Variants in CREB3L2 observed in about 807,000 individuals in gnomAD.
The protein encoded by CREB3L2 is cAMP responsive element binding protein 3 like 2.
Under a neutral mutation model 57.2 loss-of-function variants are expected in CREB3L2, and 23 were observed. That is an observed-to-expected ratio of 0.40 (90% confidence interval 0.29 to 0.57). The LOEUF is 0.57. Ranked by LOEUF, CREB3L2 falls within the 20% of genes least tolerant of loss-of-function variation. CREB3L2 has a pLI of 0.42. For missense variants in CREB3L2, 628 were observed against 634.7 expected (o/e 0.99, Z 0.11); for synonymous variants, 268 against 265.1 (o/e 1.01, Z -0.11).
intron 1 of CREB3L2, among the ~76,000 whole-genome samples, chr7:137,992,390 G>A (rs1235907914): frequency 6.6e-6 from 1 of 152,118 alleles, no homozygotes; most frequent in Non-Finnish European, 1.5e-5. Context: ...CTCCTCTTGG[G>A]TTTACACTGC....
chr7:137,914,225 A>C (rs1225576979), intron 3 of CREB3L2, among the ~76,000 whole-genome samples: 2 of 151,910 alleles, frequency 1.3e-5, no homozygotes, highest in African/African-American at 2.4e-5. Context: ...AAGGCTTCCT[A>C]ATGACTGATG....
At chr7:137,932,823 TAAG>T (rs1800682292) in intron 1 of CREB3L2, among the ~76,000 whole-genome samples, 1 of 152,156 alleles carries the variant, frequency 6.6e-6, no homozygotes, top group African/African-American at 2.4e-5. Flanking sequence ...AAATAATAAA[TAAG>T]AAACTAGAAA....
At chr7:137,976,937 C>T (rs887279405) in intron 1 of CREB3L2, among the ~76,000 whole-genome samples, 6 of 152,190 alleles carry the variant, frequency 3.9e-5, no homozygotes, top group African/African-American at 9.6e-5. Context: ...TCTTCTTGCA[C>T]GTACACACCC....
intron 8 of CREB3L2, among the ~76,000 whole-genome samples, chr7:137,895,548 C>T (rs1302717880): frequency 1.3e-5 from 2 of 150,930 alleles, no homozygotes; most frequent in East Asian, 1.9e-4. Context: ...TCTACTCTCC[C>T]GGCCCTGTCC....
intron 11 of CREB3L2, among the ~76,000 whole-genome samples, chr7:137,881,243 C>G (rs763985404): frequency 4.6e-5 from 7 of 152,168 alleles, no homozygotes; most frequent in Non-Finnish European, 8.8e-5. Flanking sequence ...TGCCTTACCA[C>G]ATGGGATACT....
chr7:137,929,676 C>T (rs993434129), intron 1 of CREB3L2, among the ~76,000 whole-genome samples: 6 of 148,984 alleles, frequency 4.0e-5, no homozygotes, highest in African/African-American at 1.5e-4. Flanking sequence ...GCCTGGCCAA[C>T]ATAGTGAAAC....
intron 11 of CREB3L2, 89 bp downstream of exon 11, chr7:137,882,323 G>C: frequency 1.0e-6 from 1 of 955,588 alleles, no homozygotes; most frequent in Non-Finnish European, 1.6e-6. Flanking sequence ...CCAGGCCTAT[G>C]GAGAGTCTCA....
chr7:137,913,158 T>C, intron 3 of CREB3L2, 80 bp from the exon 4 acceptor site: 1 of 1,410,880 alleles, frequency 7.1e-7, no homozygotes, highest in Admixed American at 2.0e-5. Flanking sequence ...ATTTGTCACC[T>C]GTGTCTTCCT....
rs886511737 is a variant in CREB3L2, at chr7:137,878,645, C to CGG, written c.*1829_*1830dup. ...CCAGACAACAGGGCTGCCAGGACTA[C>CGG]GGGGGCCCGATCCAGCTTCCACTCA... On this transcript the variant is annotated 3_prime_UTR_variant, in exon 12 of 12. Coordinates refer to ENST00000330387, the MANE Select transcript of CREB3L2 (RefSeq NM_194071.4). 5.6e-5 allele frequency: 13 copies of CGG among 233,986 alleles called. No homozygotes were observed. In the Admixed American group the frequency reaches 6.7e-4, roughly 12 times the overall value. The allele number at this position is 233,986 out of a possible 1,614,324, so 14.5% of individuals were successfully genotyped here. A position where few individuals can be genotyped will look rare whatever the true frequency, so the allele number is the denominator to read the frequency against.
Position 137,928,210 on chromosome 7 carries a change from C to T in CREB3L2, c.259G>A (p.Glu87Lys), listed in dbSNP as rs377031866. The T allele has an allele frequency of 1.6e-5, 26 of 1,606,904 alleles. No individual in the cohort carries two copies. The African/African-American group carries it at 1.7e-4, about 11-fold the overall frequency. The change falls in exon 2 of 12, where the codon GAG (glutamate) becomes AAG (lysine). Residue 87 changes from glutamate (E) to lysine (K), a missense_variant. Around this residue, in one of 3 missense-constraint regions of CREB3L2, gnomAD observed 339 missense variants for 355.4 expected, o/e 0.95. Transcript: ENST00000330387. ...AAGGGCGACTGGGCCCGAGGCTCCTCGCACAGGGAGTAGCTGTGCTCAGCC... is the reference window on the plus strand; with the variant it reads ...AAGGGCGACTGGGCCCGAGGCTCCTTGCACAGGGAGTAGCTGTGCTCAGCC... ...IQAEHSYSLCEEPRAQSPFTH... is the reference protein window; with the variant it reads ...IQAEHSYSLCKEPRAQSPFTH...
chr7:137,889,744 A>G (rs1034003966), intron 8 of CREB3L2, among the ~76,000 whole-genome samples: 1 of 152,200 alleles, frequency 6.6e-6, no homozygotes, highest in African/African-American at 2.4e-5. Flanking sequence ...ATGATCCAAT[A>G]GAGTTTGGGA....
chr7:137,963,247 C>T (rs981982089), intron 1 of CREB3L2, among the ~76,000 whole-genome samples: 1 of 152,224 alleles, frequency 6.6e-6, no homozygotes, highest in Non-Finnish European at 1.5e-5. Flanking sequence ...AATTTACCTG[C>T]TCTTCAGGAC....
At chr7:137,967,909 C>T (rs546002644) in intron 1 of CREB3L2, among the ~76,000 whole-genome samples, 17 of 152,334 alleles carry the variant, frequency 1.1e-4, no homozygotes, top group African/African-American at 4.1e-4. Context: ...TGACTGAGCA[C>T]CACCGTGTGC....
At chr7:137,928,983 T>C (rs977331653) in intron 1 of CREB3L2, among the ~76,000 whole-genome samples, 14 of 152,208 alleles carry the variant, frequency 9.2e-5, no homozygotes, top group African/African-American at 3.1e-4. Context: ...ACTGATAATA[T>C]GTTTAAATAA....
At chr7:137,987,849 C>G (rs73153859) in intron 1 of CREB3L2, among the ~76,000 whole-genome samples, 136 of 152,302 alleles carry the variant, frequency 8.9e-4, no homozygotes, top group Admixed American at 3.8e-3. Flanking sequence ...CCACACCTTT[C>G]TCTACCTTTT....
chr7:137,949,000 T>C (rs748628410), intron 1 of CREB3L2, among the ~76,000 whole-genome samples: 1 of 152,224 alleles, frequency 6.6e-6, no homozygotes, highest in Non-Finnish European at 1.5e-5. Flanking sequence ...CACACAAGAA[T>C]GGAACAAAGT....
chr7:137,884,712 C>T (rs955155801), intron 10 of CREB3L2: 4 of 597,232 alleles, frequency 6.7e-6, no homozygotes, highest in Non-Finnish European at 1.2e-5. Flanking sequence ...TCTCCCTTAT[C>T]AGAACTCAAA....
intron 1 of CREB3L2, among the ~76,000 whole-genome samples, chr7:137,991,400 G>A (rs911917575): frequency 2.0e-5 from 3 of 151,696 alleles, no homozygotes; most frequent in Non-Finnish European, 2.9e-5. Flanking sequence ...TCCTGACCTC[G>A]TGATCCACCC....
chr7:137,953,634 T>C (rs1489005578), intron 1 of CREB3L2: 1 of 771,638 alleles, frequency 1.3e-6, no homozygotes, highest in Non-Finnish European at 1.9e-6. Flanking sequence ...TTCACTTGCA[T>C]TGTGTTTTAA....
Sources: gnomAD v4.1 joint callset for allele counts (sites outside exome capture counted in the v4.1 genomes callset) on GRCh38, gnomAD v4.1.1 for gene constraint, gnomAD v4.1.1 regional missense constraint, MANE v1.5 for transcripts, NCBI Gene and HGNC (gene_info 2026-07-23, HGNC 2026-07-21) for gene names.